Variants in ARID4A observed in about 807,000 individuals in gnomAD.
ARID4A encodes AT-rich interaction domain 4A.
A neutral mutation model predicts 148.6 loss-of-function variants in ARID4A; 39 were observed. The observed-to-expected ratio is 0.26, with a 90% confidence interval of 0.20 to 0.34. The LOEUF (loss-of-function observed/expected upper bound fraction) is 0.34, where lower values mean the gene tolerates loss of function less well. Ranked by LOEUF, ARID4A falls within the 10% of genes least tolerant of loss-of-function variation. The probability of loss-of-function intolerance (pLI) is 1.00; values close to 1 mark genes in which losing one functional copy is unlikely to be tolerated. For synonymous variants in ARID4A, 475 were observed against 481.2 expected (o/e 0.99, Z 0.17); for missense variants, 1,265 against 1,449.1 (o/e 0.87, Z 2.06).
chr14:58,348,457 A>G (rs995812124), intron 15 of ARID4A, among the ~76,000 whole-genome samples: 1 of 152,196 alleles, frequency 6.6e-6, no homozygotes, highest in African/African-American at 2.4e-5. Flanking sequence ...ACTAGATGAT[A>G]TCTTGTCTTT....
intron 18 of ARID4A, 37 bp from the exon 19 acceptor site, chr14:58,360,864 A>G (rs373975426): frequency 6.2e-7 from 1 of 1,601,750 alleles, no homozygotes; most frequent in Non-Finnish European, 8.5e-7. Context: ...TTCGTAAAGC[A>G]TTGGCCCTTC....
chr14:58,304,530 G>C (rs1470267229), intron 3 of ARID4A, among the ~76,000 whole-genome samples: 2 of 152,186 alleles, frequency 1.3e-5, no homozygotes, highest in Admixed American at 6.5e-5. Flanking sequence ...TAAAGGATCA[G>C]AGTTCTGGTT....
In ARID4A at chr14:58,366,992, C is replaced by A; in HGVS notation, c.3633C>A (p.Asp1211Glu). 1 of 1,506,520 alleles carries A rather than the reference C, an allele frequency of 6.6e-7. No homozygotes were observed. Among genetic ancestry groups the A allele is most frequent in the Non-Finnish European group, 8.8e-7 (1 of 1,137,906 alleles). The allele number at this position is 1,506,520 out of a possible 1,614,324, so 93.3% of individuals were successfully genotyped here. The change falls in exon 23 of 24, where the codon GAC becomes GAA. Residue 1211 changes from aspartate to glutamate, a missense_variant. Coordinates refer to ENST00000355431, the MANE Select transcript of ARID4A (RefSeq NM_002892.4). ...MSLKSEVATI[D>E]RRRKRLKKKD... ...TGAAGTCTGAAGTTGCAACCATAGA[C>A]AGGAGGAGAAAAAGATTAAAAAAGA...
chr14:58,338,349 A>G (rs2033934787), intron 11 of ARID4A, among the ~76,000 whole-genome samples: 2 of 152,226 alleles, frequency 1.3e-5, no homozygotes, highest in South Asian at 4.1e-4. Flanking sequence ...CAAAAAATGT[A>G]AGCAGCTATT....
At chr14:58,332,329 A>G (rs2033577084) in intron 11 of ARID4A, among the ~76,000 whole-genome samples, 1 of 152,156 alleles carries the variant, frequency 6.6e-6, no homozygotes, top group Non-Finnish European at 1.5e-5. Flanking sequence ...CTTTTCATCT[A>G]CTGGAAAATA....
chr14:58,300,185 A>AT (rs2031025294), intron 2 of ARID4A, among the ~76,000 whole-genome samples: 2 of 151,776 alleles, frequency 1.3e-5, no homozygotes, highest in Admixed American at 6.6e-5. Flanking sequence ...TCTTTGGGGG[A>AT]TTTTTTGTAA....
At chr14:58,308,262 AT>A (rs1433260134) in intron 5 of ARID4A, among the ~76,000 whole-genome samples, 5 of 152,192 alleles carry the variant, frequency 3.3e-5, no homozygotes, top group Non-Finnish European at 5.9e-5. Context: ...ATTGCATATA[AT>A]TGAGGTATCA....
chr14:58,329,859 A>G, intron 10 of ARID4A, 144 bp from the exon 11 acceptor site: 1 of 1,336,416 alleles, frequency 7.5e-7, no homozygotes, highest in Non-Finnish European at 1.0e-6. Flanking sequence ...ATTATAACTT[A>G]TGAAATATGT....
At position 58,329,986 on chromosome 14, in the gene ARID4A, T is replaced by C; in HGVS notation, c.740-17T>C. On this transcript the variant is annotated splice_polypyrimidine_tract_variant and intron_variant, in intron 10 of 23. Coordinates refer to ENST00000355431, the MANE Select transcript of ARID4A (RefSeq NM_002892.4). ...GCCAATTCCATAGCAACTGCTGAAG[T>C]ACATTTTCACTCTTAGGGCTTCAGA... The C allele has an allele frequency of 6.3e-7, 1 of 1,593,208 alleles. No individual in the cohort carries two copies. Among genetic ancestry groups the C allele is most frequent in the Non-Finnish European group, 8.5e-7 (1 of 1,173,398 alleles).
At chr14:58,325,664 A>C (rs2033167943) in intron 8 of ARID4A, among the ~76,000 whole-genome samples, 1 of 152,146 alleles carries the variant, frequency 6.6e-6, no homozygotes, top group Non-Finnish European at 1.5e-5. Context: ...ATGTATCCCA[A>C]ATTAGACTAT....
chr14:58,360,015 A>G (rs543713968), intron 18 of ARID4A, among the ~76,000 whole-genome samples: 113 of 152,200 alleles, frequency 7.4e-4, no homozygotes, highest in African/African-American at 2.0e-3. Context: ...GCAGTGAGCC[A>G]AGATCGCGCC....
chr14:58,300,007 G>C (rs140180997), intron 2 of ARID4A, 147 bp downstream of exon 2: 1 of 1,150,620 alleles, frequency 8.7e-7, no homozygotes, highest in East Asian at 2.3e-5. Flanking sequence ...TGTTGAATGG[G>C]TGAAAAATGA....
In ARID4A at chr14:58,346,518, T is replaced by C. The variant is rs746022313; in HGVS notation, c.1074+13T>C. The C allele has an allele frequency of 6.4e-7, 1 of 1,568,668 alleles. No individual in the cohort carries two copies. ...TGGATGTGACAATGTAAGTATAACATTGCTTTTTGAAACATGTATTGATGT... is the reference window on the plus strand; with the variant it reads ...TGGATGTGACAATGTAAGTATAACACTGCTTTTTGAAACATGTATTGATGT... On this transcript the variant is annotated intron_variant, in intron 13 of 23. Coordinates refer to ENST00000355431, the MANE Select transcript of ARID4A (RefSeq NM_002892.4).
In ARID4A at chr14:58,309,743, GTTTAGCAC is replaced by G. The variant is rs540112915; in HGVS notation, c.274+3633_274+3640del. 2.0e-3 allele frequency among the ~76,000 whole-genome samples: 309 copies of G among 152,290 alleles called. 1 individual carries two copies. Among genetic ancestry groups the G allele is most frequent in the Non-Finnish European group, 3.6e-3 (242 of 68,016 alleles). On this transcript the variant is annotated intron_variant, in intron 5 of 23. Coordinates refer to ENST00000355431, the MANE Select transcript of ARID4A (RefSeq NM_002892.4). ...TGTACACACACAGATCATTTATCAA[GTTTAGCAC>G]TAAAATCTATCATCTGTATTAATGT...
At chr14:58,322,154 G>C (rs1393990109) in intron 7 of ARID4A, among the ~76,000 whole-genome samples, 5 of 151,846 alleles carry the variant, frequency 3.3e-5, no homozygotes, top group Admixed American at 2.0e-4. Context: ...TGTTTTAGTA[G>C]AGATGGGGTT....
intron 19 of ARID4A, among the ~76,000 whole-genome samples, chr14:58,363,166 T>TA (rs1267193718): frequency 6.6e-6 from 1 of 152,216 alleles, no homozygotes; most frequent in Non-Finnish European, 1.5e-5. Context: ...CTGTTTATGA[T>TA]AAAACCACAA....
Position 58,329,224 on chromosome 14 carries a change from A to G in ARID4A, c.663-304A>G, listed in dbSNP as rs1370208377. ...AATAATAAAATAGACATTGTTGTCTACAAGTGTTGAAAACATCATGCTGAT... is the reference window on the plus strand; with the variant it reads ...AATAATAAAATAGACATTGTTGTCTGCAAGTGTTGAAAACATCATGCTGAT... On this transcript the variant is annotated intron_variant, in intron 9 of 23. Transcript: ENST00000355431. Among the ~76,000 whole-genome samples, 3 of 152,216 alleles carry G rather than the reference A, an allele frequency of 2.0e-5. No homozygotes were observed. In the East Asian group the frequency reaches 5.8e-4, roughly 29 times the overall value.
intron 17 of ARID4A, among the ~76,000 whole-genome samples, chr14:58,354,768 C>T (rs1364499211): frequency 6.6e-6 from 1 of 151,602 alleles, no homozygotes; most frequent in African/African-American, 2.4e-5. Context: ...AGTTGGTTTT[C>T]GTAATAAATC....
chr14:58,316,111 C>G (rs1248065128), intron 5 of ARID4A, among the ~76,000 whole-genome samples: 4 of 152,176 alleles, frequency 2.6e-5, no homozygotes, highest in Non-Finnish European at 2.9e-5. Flanking sequence ...GCTAATAAAA[C>G]AACCTTTTCA....
Sources: allele counts gnomAD v4.1 joint callset (sites outside exome capture counted in the v4.1 genomes callset), GRCh38; gene constraint gnomAD v4.1.1; transcripts MANE v1.5; gene names NCBI Gene and HGNC (gene_info 2026-07-23, HGNC 2026-07-21).